Variants in VPS13B observed in about 807,000 individuals in gnomAD.
VPS13B encodes intermembrane lipid transfer protein VPS13B.
Under a neutral mutation model 426.4 loss-of-function variants are expected in VPS13B, and 285 were observed. That is an observed-to-expected ratio of 0.67 (90% CI 0.61 to 0.74). The LOEUF is 0.74. VPS13B is among the 30% of genes least tolerant of loss of function. VPS13B has a pLI of 0.00. For synonymous variants in VPS13B, 1,676 were observed against 1,676.4 expected (o/e 1.00, Z 0.01); for missense variants, 4,537 against 4,782.6 (o/e 0.95, Z 1.51).
intron 24 of VPS13B, among the ~76,000 whole-genome samples, chr8:99,473,778 T>G (rs996218622): frequency 5.9e-5 from 9 of 152,204 alleles, no homozygotes; most frequent in African/African-American, 2.2e-4. Flanking sequence ...AAACTATTAC[T>G]AAAACTAACA....
chr8:99,460,756 G>T (rs948048161), intron 23 of VPS13B, among the ~76,000 whole-genome samples: 1 of 152,146 alleles, frequency 6.6e-6, no homozygotes, highest in East Asian at 1.9e-4. Flanking sequence ...TTCCTTGGTA[G>T]TGTTATCAGT....
At chr8:99,126,083 A>G (rs1848176729) in intron 8 of VPS13B, among the ~76,000 whole-genome samples, 1 of 152,274 alleles carries the variant, frequency 6.6e-6, no homozygotes, top group South Asian at 2.1e-4. Context: ...TCTTGTAGAG[A>G]TGGAAAGTCT....
intron 52 of VPS13B, among the ~76,000 whole-genome samples, chr8:99,833,882 C>A (rs192756443): frequency 6.6e-6 from 1 of 152,204 alleles, no homozygotes; most frequent in African/African-American, 2.4e-5. Context: ...GAGTTTGGCT[C>A]GCCTAGCTGT....
chr8:99,760,697 C>CA (rs1307190081), intron 39 of VPS13B, among the ~76,000 whole-genome samples: 30 of 152,266 alleles, frequency 2.0e-4, no homozygotes, highest in African/African-American at 7.0e-4. Flanking sequence ...GTGTTAAGGA[C>CA]AAATAGAGTT....
At chr8:99,492,121 C>G (rs949002796) in intron 25 of VPS13B, among the ~76,000 whole-genome samples, 2 of 152,176 alleles carry the variant, frequency 1.3e-5, no homozygotes, top group African/African-American at 4.8e-5. Context: ...AGTCAGGCTC[C>G]TCAGCTGCAG....
At chr8:99,634,997 A>G (rs1405711756) in intron 33 of VPS13B, among the ~76,000 whole-genome samples, 1 of 151,934 alleles carries the variant, frequency 6.6e-6, no homozygotes, top group Admixed American at 6.6e-5. Flanking sequence ...CTTCCAGTGT[A>G]GATTATCTCT....
chr8:99,302,581 C>T (rs1820424268), intron 19 of VPS13B, among the ~76,000 whole-genome samples: 1 of 152,072 alleles, frequency 6.6e-6, no homozygotes, highest in Admixed American at 6.6e-5. Flanking sequence ...AAGATCTTGG[C>T]TCACTGCAAC....
intron 35 of VPS13B, among the ~76,000 whole-genome samples, chr8:99,662,506 G>T (rs747891739): frequency 3.3e-5 from 5 of 151,718 alleles, no homozygotes; most frequent in Non-Finnish European, 7.4e-5. Context: ...AAGTACAGTC[G>T]TGCAATCATA....
At chr8:99,828,461 C>T (rs926700236) in intron 51 of VPS13B, among the ~76,000 whole-genome samples, 4 of 90,682 alleles carry the variant, frequency 4.4e-5, no homozygotes, top group African/African-American at 1.7e-4. Flanking sequence ...GTAAATATTC[C>T]TCCATCTCTT....
chr8:99,819,286 T>C, intron 47 of VPS13B, 126 bp from the exon 48 acceptor site: 1 of 1,133,540 alleles, frequency 8.8e-7, no homozygotes, highest in South Asian at 1.4e-5. Context: ...CACTGTCCCA[T>C]AAATGGACTC....
At chr8:99,844,151 T>C (rs1237839439) in intron 54 of VPS13B, among the ~76,000 whole-genome samples, 1 of 152,220 alleles carries the variant, frequency 6.6e-6, no homozygotes, top group African/African-American at 2.4e-5. Flanking sequence ...TTTGAGGCTT[T>C]ATCTTAGTCT....
chr8:99,809,276 T>G, intron 43 of VPS13B, 99 bp from the exon 44 acceptor site: 1 of 1,489,170 alleles, frequency 6.7e-7, no homozygotes. Flanking sequence ...ATGCAAAATA[T>G]TACAAATGGA....
At chr8:99,603,186 A>T (rs1285634776) in intron 33 of VPS13B, among the ~76,000 whole-genome samples, 1 of 152,208 alleles carries the variant, frequency 6.6e-6, no homozygotes, top group African/African-American at 2.4e-5. Context: ...CAGAGAGGTT[A>T]ACATTAGGAT....
chr8:99,552,576 TG>T (rs1471201041), intron 30 of VPS13B, among the ~76,000 whole-genome samples: 8 of 150,274 alleles, frequency 5.3e-5, no homozygotes, highest in Non-Finnish European at 1.0e-4. Context: ...GTTTTTATTT[TG>T]TTTTTTTTTT....
intron 39 of VPS13B, among the ~76,000 whole-genome samples, chr8:99,766,377 C>A (rs569193154): frequency 1.9e-4 from 29 of 152,268 alleles, no homozygotes; most frequent in Admixed American, 1.8e-3. Flanking sequence ...AGCCACCATG[C>A]CTGGCTGGCA....
chr8:99,199,913 T>C (rs1227110138), intron 17 of VPS13B, among the ~76,000 whole-genome samples: 1 of 152,212 alleles, frequency 6.6e-6, no homozygotes, highest in Non-Finnish European at 1.5e-5. Flanking sequence ...TACCACACTA[T>C]TTATTCCTTT....
chr8:99,296,681 A>T (rs1453276343), intron 19 of VPS13B, among the ~76,000 whole-genome samples: 1 of 152,178 alleles, frequency 6.6e-6, no homozygotes, highest in African/African-American at 2.4e-5. Context: ...TGGGTCCTTT[A>T]TGAGGTAATT....
At chr8:99,709,910 T>A (rs541180127) in intron 36 of VPS13B, among the ~76,000 whole-genome samples, 10 of 152,320 alleles carry the variant, frequency 6.6e-5, no homozygotes, top group South Asian at 2.1e-4. Flanking sequence ...TTATTAACAT[T>A]GACAAGCTGG....
Position 99,546,213 on chromosome 8 carries a change from AT to A in VPS13B, c.4746-10230del, listed in dbSNP as rs1188790276. 4.0e-5 allele frequency among the ~76,000 whole-genome samples: 6 copies of A among 151,754 alleles called. No homozygotes were observed. The South Asian group carries it at 8.3e-4, about 21-fold the overall frequency. ...AAACCATGTTAAATAATGTGACAAC[AT>A]TTTTTTAAAGGGAGTTGATTTGTTA... is the stretch of plus-strand genomic sequence containing the variant. On this transcript the variant is annotated intron_variant, in intron 30 of 61. Coordinates refer to ENST00000357162, the MANE Select transcript of VPS13B (RefSeq NM_152564.5).
Sources: allele counts gnomAD v4.1 joint callset (sites outside exome capture counted in the v4.1 genomes callset), GRCh38; gene constraint gnomAD v4.1.1; transcripts MANE v1.5; gene names NCBI Gene and HGNC (gene_info 2026-07-23, HGNC 2026-07-21).